Variants in CCZ1B observed in about 807,000 individuals in gnomAD.
The protein encoded by CCZ1B is vacuolar fusion protein CCZ1 homolog B.
CCZ1B carries 25 observed loss-of-function variants against 58.8 expected under a neutral mutation model. The ratio of observed to expected loss-of-function variants is 0.43; its 90% CI spans 0.31 to 0.59. CCZ1B has a LOEUF of 0.59. Ranked by LOEUF, CCZ1B falls within the 20% of genes least tolerant of loss-of-function variation. The pLI is 0.12. For synonymous variants in CCZ1B, 66 were observed against 173.2 expected, an observed-to-expected ratio of 0.38 and a Z score of 4.86; for missense variants, 180 against 501.5, an observed-to-expected ratio of 0.36 and a Z score of 6.12.
intron 6 of CCZ1B, among the ~76,000 whole-genome samples, chr7:6,821,606 G>C (rs1458979001): frequency 2.0e-5 from 3 of 151,334 alleles, no homozygotes; most frequent in African/African-American, 7.4e-5. Context: ...AGATAAACTA[G>C]GCTAGGCGAG....
chr7:6,814,169 TA>T (rs1188829176), intron 8 of CCZ1B, among the ~76,000 whole-genome samples: 5 of 148,550 alleles, frequency 3.4e-5, no homozygotes, highest in Admixed American at 3.4e-4. Flanking sequence ...AATAAATAAA[TA>T]AAATAAAATA....
At chr7:6,824,867 A>G in intron 1 of CCZ1B, 130 bp from the exon 2 acceptor site, 2 of 1,234,120 alleles carry the variant, frequency 1.6e-6, no homozygotes, top group Non-Finnish European at 2.2e-6. Context: ...AACCGGTTTT[A>G]GAAAAACAGG....
chr7:6,813,796 G>A (rs1160789297), intron 8 of CCZ1B, among the ~76,000 whole-genome samples: 1 of 148,960 alleles, frequency 6.7e-6, no homozygotes, highest in Non-Finnish European at 1.5e-5. Flanking sequence ...TACTACACAG[G>A]TTGATTGTTT....
chr7:6,799,448 G>A, intron 14 of CCZ1B, 169 bp from the exon 15 acceptor site: 2 of 288,382 alleles, frequency 6.9e-6, no homozygotes, highest in Non-Finnish European at 5.3e-6. Flanking sequence ...TTTTGTTTGA[G>A]ACAGAGTCTT....
chr7:6,814,165 TAAATA>T (rs775334650), intron 8 of CCZ1B, among the ~76,000 whole-genome samples: 1 of 140,124 alleles, frequency 7.1e-6, no homozygotes, highest in Non-Finnish European at 1.6e-5. Context: ...AATAAATAAA[TAAATA>T]AAATAAAATA....
intron 8 of CCZ1B, among the ~76,000 whole-genome samples, chr7:6,813,398 C>T (rs1427409336): frequency 2.7e-5 from 4 of 149,180 alleles, no homozygotes; most frequent in Non-Finnish European, 5.9e-5. Context: ...ACAGCCTGGG[C>T]AACATGACGA....
chr7:6,815,819 G>A lies in CCZ1B; in HGVS notation c.699-974C>T, dbSNP rs1478473537. 6.7e-5 allele frequency among the ~76,000 whole-genome samples: 10 copies of A among 148,330 alleles called. 1 individual carries two copies. Among genetic ancestry groups the A allele is most frequent in the Non-Finnish European group, 1.0e-4 (7 of 67,484 alleles). On this transcript the variant is annotated intron_variant, in intron 7 of 14. Coordinates refer to ENST00000316731, the MANE Select transcript of CCZ1B (RefSeq NM_198097.5). ...GTTGAATTCCGTGTAGGATTATGCA[G>A]GAAACCTCCAAAGCCACACTGTTTC...
intron 5 of CCZ1B, among the ~76,000 whole-genome samples, chr7:6,822,748 G>T (rs1231667490): frequency 7.4e-6 from 1 of 134,418 alleles, no homozygotes; most frequent in Admixed American, 7.9e-5. Context: ...GTTGCCCAGG[G>T]TAGAGTGCAG....
intron 10 of CCZ1B, among the ~76,000 whole-genome samples, chr7:6,808,538 T>TAAA: frequency 6.6e-6 from 1 of 150,638 alleles, no homozygotes; most frequent in African/African-American, 2.5e-5. Flanking sequence ...TAACCTGTAT[T>TAAA]CTTCCACTGT....
At chr7:6,813,719 A>C (rs1184837651) in intron 8 of CCZ1B, among the ~76,000 whole-genome samples, 2 of 149,614 alleles carry the variant, frequency 1.3e-5, no homozygotes, top group Non-Finnish European at 3.0e-5. Context: ...ATTAAGTACT[A>C]GAGTGGAAAG....
intron 6 of CCZ1B, 150 bp from the exon 7 acceptor site, chr7:6,820,091 T>A: frequency 1.8e-6 from 2 of 1,136,696 alleles, no homozygotes; most frequent in Non-Finnish European, 2.5e-6. Context: ...GGTGAAGACA[T>A]GGGTGACTGA....
chr7:6,820,501 T>C (rs1442890869), intron 6 of CCZ1B, among the ~76,000 whole-genome samples: 2 of 148,618 alleles, frequency 1.3e-5, no homozygotes, highest in Non-Finnish European at 3.0e-5. Context: ...TTTTTTGGTA[T>C]AGACAGAGTC....
rs1293538325 is a variant in CCZ1B, at chr7:6,813,241, C to T, written c.781-204G>A. Reference sequence around the variant, plus strand: ...CCTTGAACTCCTAGGCTCAAGCAACCCTCCCACCTCAGCCTCCTGATAGAG... The same window carrying T: ...CCTTGAACTCCTAGGCTCAAGCAACTCTCCCACCTCAGCCTCCTGATAGAG... On this transcript the variant is annotated intron_variant, in intron 8 of 14. Transcript: ENST00000316731. Among the ~76,000 whole-genome samples, 5 of 149,366 alleles carry T rather than the reference C, an allele frequency of 3.3e-5. 2 individuals are homozygous for T. The highest frequency in any genetic ancestry group is 1.0e-4 in the African/African-American group (4 of 39,520).
At chr7:6,810,058 C>A (rs1427798604) in intron 10 of CCZ1B, among the ~76,000 whole-genome samples, 4 of 150,912 alleles carry the variant, frequency 2.7e-5, no homozygotes, top group African/African-American at 7.4e-5. Context: ...GTTGCCCAGA[C>A]TGGAGCACAG....
At chr7:6,814,032 G>A (rs1423751666) in intron 8 of CCZ1B, among the ~76,000 whole-genome samples, 1 of 148,368 alleles carries the variant, frequency 6.7e-6, no homozygotes, top group Non-Finnish European at 1.5e-5. Flanking sequence ...TATAATCTCA[G>A]CTACTTGGGA....
chr7:6,823,324 T>C lies in CCZ1B; in HGVS notation c.427A>G (p.Ser143Gly), dbSNP rs145021569. The C allele has an allele frequency of 4.4e-4, 703 of 1,607,362 alleles. 4 individuals are homozygous for C. The African/African-American group carries it at 8.7e-3, about 20-fold the overall frequency. ...AACGCCACGCTTACCTTGTACATGCTGTAGCACTGCCGCAGCACCGAGCTA... is the reference window on the plus strand; with the variant it reads ...AACGCCACGCTTACCTTGTACATGCCGTAGCACTGCCGCAGCACCGAGCTA... Reference protein sequence around the residue: ...VYSSVLRQCYSMYKLFNGTFL... With the variant: ...VYSSVLRQCYGMYKLFNGTFL... Residue 143 changes from serine (S) to glycine (G), a missense_variant, in exon 5 of 15, where the codon AGC becomes GGC. Physicochemically the swap from Ser to Gly is moderately conservative, Grantham distance 56. Transcript: ENST00000316731.
chr7:6,816,144 A>G (rs1330542554), intron 7 of CCZ1B, among the ~76,000 whole-genome samples: 2 of 147,794 alleles, frequency 1.4e-5, no homozygotes, highest in Non-Finnish European at 3.0e-5. Flanking sequence ...GAGACAGACA[A>G]TGAGGCTGGA....
rs1782712820 is a variant in CCZ1B at position 6,799,007 on chromosome 7, A to AATG, written c.*214_*216dup. On this transcript the variant is annotated 3_prime_UTR_variant, in exon 15 of 15. Coordinates refer to ENST00000316731, the MANE Select transcript of CCZ1B (RefSeq NM_198097.5). ...TATTCAAATAATGTCAAAAGAATGAAATGATAGCGATATAGCCAACTACCT... is the reference window on the plus strand; with the variant it reads ...TATTCAAATAATGTCAAAAGAATGAAATGATGATAGCGATATAGCCAACTACCT... The AATG allele has an allele frequency of 2.9e-6, 1 of 349,402 alleles. No homozygotes were observed. The highest frequency in any genetic ancestry group is 4.6e-6 in the Non-Finnish European group (1 of 215,448). 21.6% of individuals were successfully genotyped at this position (349,402 alleles called of 1,614,324 possible). A position where few individuals can be genotyped will look rare whatever the true frequency, so the allele number is the denominator to read the frequency against.
At position 6,818,503 on chromosome 7, in the gene CCZ1B, C is replaced by T. The variant is rs546279427; in HGVS notation, c.698+1263G>A. Among the ~76,000 whole-genome samples the T allele has an allele frequency of 4.7e-5, 7 of 148,732 alleles. No individual in the cohort carries two copies. In the South Asian group the frequency reaches 1.1e-3, roughly 23 times the overall value. ...AGGGGAAGTTGCAGTGAGCCAAGAT[C>T]GCGCCACTGTACTCCAGCCTGGCAA... On this transcript the variant is annotated intron_variant, in intron 7 of 14. Coordinates refer to ENST00000316731, the MANE Select transcript of CCZ1B (RefSeq NM_198097.5).
Sources: gnomAD v4.1 joint callset for allele counts (sites outside exome capture counted in the v4.1 genomes callset) on GRCh38, gnomAD v4.1.1 for gene constraint, MANE v1.5 for transcripts, NCBI Gene and HGNC (gene_info 2026-07-23, HGNC 2026-07-21) for gene names.